FBXW7: variants seen among roughly 807,000 people sequenced by gnomAD.
FBXW7 encodes the protein F-box/WD repeat-containing protein 7.
In FBXW7, 11 loss-of-function variants were observed where a neutral mutation model predicts 86.3. That is an observed-to-expected ratio of 0.13 (90% confidence interval 0.08 to 0.21). The LOEUF (loss-of-function observed/expected upper bound fraction) is 0.21. FBXW7 is among the 10% of genes least tolerant of loss of function. The pLI is 1.00. For missense variants in FBXW7, 488 were observed against 847.4 expected (o/e 0.58, Z 5.27); for synonymous variants, 313 against 297.9 (o/e 1.05, Z -0.52).
chr4:152,528,731 C>T (rs1749751663), intron 2 of FBXW7, among the ~76,000 whole-genome samples: 1 of 152,128 alleles, frequency 6.6e-6, no homozygotes, highest in South Asian at 2.1e-4. Flanking sequence ...TCCATTTAAA[C>T]ATACTGTGAA....
At chr4:152,410,999 C>A (rs963499311) in intron 4 of FBXW7, among the ~76,000 whole-genome samples, 1 of 152,142 alleles carries the variant, frequency 6.6e-6, no homozygotes. Flanking sequence ...GAAACCTCTA[C>A]ACCCCACACA....
intron 6 of FBXW7, among the ~76,000 whole-genome samples, chr4:152,346,185 C>T (rs1298434029): frequency 6.6e-6 from 1 of 152,058 alleles, no homozygotes; most frequent in African/African-American, 2.4e-5. Context: ...AACCAATCTT[C>T]CCTGTACACA....
Position 152,322,658 on chromosome 4 carries a change from T to C in FBXW7, c.*223A>G, listed in dbSNP as rs1728649539. 3.0e-6 allele frequency: 2 copies of C among 666,212 alleles called. No individual in the cohort carries two copies. Among genetic ancestry groups the C allele is most frequent in the Non-Finnish European group, 4.7e-6 (2 of 428,838 alleles). The allele number at this position is 666,212 out of a possible 1,614,324, so 41.3% of individuals were successfully genotyped here. A position where few individuals can be genotyped will look rare whatever the true frequency, so the allele number is the denominator to read the frequency against. The stretch of plus-strand genomic sequence containing the variant: ...CCTCAGTCAAAAGTGAAGCCTTTTA[T>C]GTGATGAGACAGCAGACGCCTCTCT... On this transcript the variant is annotated 3_prime_UTR_variant, in exon 14 of 14. Transcript: ENST00000281708.
At chr4:152,330,686 T>G in intron 9 of FBXW7, 46 bp downstream of exon 9, 2 of 1,590,782 alleles carry the variant, frequency 1.3e-6, no homozygotes, top group Non-Finnish European at 1.7e-6. Context: ...CACTAGGTAC[T>G]AACACTGATT....
intron 2 of FBXW7, among the ~76,000 whole-genome samples, chr4:152,413,287 T>G (rs1738138223): frequency 6.6e-6 from 1 of 152,076 alleles, no homozygotes; most frequent in South Asian, 2.1e-4. Context: ...ACTTATTATT[T>G]TATCGGTAAC....
chr4:152,528,282 C>T (rs1384535095), intron 2 of FBXW7, among the ~76,000 whole-genome samples: 1 of 152,154 alleles, frequency 6.6e-6, no homozygotes, highest in Non-Finnish European at 1.5e-5. Context: ...CACAGCATAG[C>T]AACAGAAACT....
chr4:152,352,830 C>CAG (rs930632162), intron 4 of FBXW7: 1 of 1,534,802 alleles, frequency 6.5e-7, no homozygotes, highest in Non-Finnish European at 8.7e-7. Flanking sequence ...CTTGACTGAA[C>CAG]AGATTCCTCC....
intron 2 of FBXW7, among the ~76,000 whole-genome samples, chr4:152,513,163 C>A (rs1748142585): frequency 6.6e-6 from 1 of 152,096 alleles, no homozygotes; most frequent in African/African-American, 2.4e-5. Context: ...CTGGCCTGAA[C>A]TGAGTATTTA....
chr4:152,376,089 T>A (rs2126757191), intron 4 of FBXW7, among the ~76,000 whole-genome samples: 1 of 152,254 alleles, frequency 6.6e-6, no homozygotes, highest in Non-Finnish European at 1.5e-5. Context: ...ATTGTGGTTA[T>A]TTCTGACCCG....
intron 2 of FBXW7, among the ~76,000 whole-genome samples, chr4:152,468,797 A>G (rs1262629779): frequency 1.3e-5 from 2 of 152,132 alleles, no homozygotes; most frequent in Non-Finnish European, 2.9e-5. Context: ...TGATAAGCAT[A>G]TAACACAAAG....
At chr4:152,360,231 T>C (rs1193882583) in intron 4 of FBXW7, among the ~76,000 whole-genome samples, 1 of 152,194 alleles carries the variant, frequency 6.6e-6, no homozygotes, top group Non-Finnish European at 1.5e-5. Flanking sequence ...AGAACTTTAC[T>C]GTGTGGGTGT....
At chr4:152,438,070 A>G (rs1026972757) in intron 2 of FBXW7, among the ~76,000 whole-genome samples, 3 of 152,088 alleles carry the variant, frequency 2.0e-5, no homozygotes, top group African/African-American at 7.2e-5. Flanking sequence ...GCTACTTGGA[A>G]GGCAGAGGCA....
At chr4:152,389,995 A>T (rs1251980607) in intron 4 of FBXW7, among the ~76,000 whole-genome samples, 1 of 152,046 alleles carries the variant, frequency 6.6e-6, no homozygotes, top group African/African-American at 2.4e-5. Flanking sequence ...TTTATTGGAA[A>T]GAAGCTACAG....
rs1333049716 is a variant in FBXW7, at chr4:152,337,883, A to G, written c.780T>C (p.Cys260=). ...LLALDELIDS[C]EPTQVKHMMQ... The stretch of plus-strand genomic sequence containing the variant: ...TCATATGTTTTACTTGTGTTGGTTC[A>G]CAACTATCAATGAGTTCATCTAAAG... The change falls in exon 7 of 14, where the codon TGT becomes TGC. Residue 260 remains cysteine, a synonymous_variant. Coordinates refer to ENST00000281708, the MANE Select transcript of FBXW7 (RefSeq NM_001349798.2). The G allele has an allele frequency of 6.2e-7, 1 of 1,612,552 alleles. No individual in the cohort carries two copies. The highest frequency in any genetic ancestry group is 8.5e-7 in the Non-Finnish European group (1 of 1,179,190).
chr4:152,369,897 T>C (rs1207758662), intron 4 of FBXW7, among the ~76,000 whole-genome samples: 2 of 151,954 alleles, frequency 1.3e-5, no homozygotes, highest in African/African-American at 2.4e-5. Context: ...AGAGATTTTG[T>C]ATAACACATG....
chr4:152,325,885 A>G (rs1361965197), intron 12 of FBXW7, 121 bp downstream of exon 12: 1 of 689,030 alleles, frequency 1.5e-6, no homozygotes, highest in South Asian at 2.6e-5. Context: ...TAAAAACAGC[A>G]GAATAATCTG....
At chr4:152,516,460 C>T (rs1476449572) in intron 2 of FBXW7, among the ~76,000 whole-genome samples, 3 of 152,178 alleles carry the variant, frequency 2.0e-5, no homozygotes, top group African/African-American at 7.2e-5. Flanking sequence ...TCTCCTTCCC[C>T]GCATCCACGG....
chr4:152,360,767 T>C (rs1732859324), intron 4 of FBXW7, among the ~76,000 whole-genome samples: 1 of 151,546 alleles, frequency 6.6e-6, no homozygotes, highest in African/African-American at 2.4e-5. Context: ...AAAACAAGCA[T>C]ATATTTTATG....
chr4:152,360,307 G>A (rs1732813553), intron 4 of FBXW7, among the ~76,000 whole-genome samples: 2 of 152,050 alleles, frequency 1.3e-5, no homozygotes. Context: ...TGTTTGAACA[G>A]GCATTCACAC....
Sources: gnomAD v4.1 joint callset for allele counts (sites outside exome capture counted in the v4.1 genomes callset) on GRCh38, gnomAD v4.1.1 for gene constraint, MANE v1.5 for transcripts, NCBI Gene and HGNC (gene_info 2026-07-23, HGNC 2026-07-21) for gene names.